The following MAD1L1 variants were observed in gnomAD, a reference collection of about 807,000 sequenced individuals.
The protein encoded by MAD1L1 is mitotic arrest deficient 1 like 1, also known as mitotic spindle assembly checkpoint protein MAD1.
Under a neutral mutation model 96.9 loss-of-function variants are expected in MAD1L1, and 95 were observed. That is an observed-to-expected ratio of 0.98 (90% CI 0.83 to 1.16). The LOEUF (loss-of-function observed/expected upper bound fraction) is 1.16. Ranked by LOEUF, MAD1L1 falls within the 50% of genes most tolerant of loss-of-function variation. The pLI, the probability that MAD1L1 is intolerant of heterozygous loss-of-function variation, is 0.00. For missense variants in MAD1L1, 1,007 were observed against 954.4 expected (o/e 1.06, Z -0.73); for synonymous variants, 473 against 396.6 (o/e 1.19, Z -2.29).
chr7:2,024,568 G>C (rs1782921192), intron 12 of MAD1L1, among the ~76,000 whole-genome samples: 1 of 152,180 alleles, frequency 6.6e-6, no homozygotes, highest in African/African-American at 2.4e-5. Flanking sequence ...ACATACTCAG[G>C]TCTTGCTGTG....
chr7:1,815,797 T>G lies in MAD1L1; in HGVS notation c.*273A>C. 2.2e-6 allele frequency: 1 copy of G among 459,184 alleles called. No homozygotes were observed. Among genetic ancestry groups the G allele is most frequent in the Non-Finnish European group, 4.0e-6 (1 of 252,468 alleles). The allele number at this position is 459,184 out of a possible 1,614,324, so 28.4% of individuals were successfully genotyped here. A position where few individuals can be genotyped will look rare whatever the true frequency, so the allele number is the denominator to read the frequency against. ...GATACACAGGGCGAGTGGGAGTGTC[T>G]AGGGGAGAAGATTTTATTTCACAAG... is the stretch of plus-strand genomic sequence containing the variant. On this transcript the variant is annotated 3_prime_UTR_variant, in exon 19 of 19. Transcript: ENST00000265854.
At chr7:1,867,178 A>C (rs895998138) in intron 18 of MAD1L1, among the ~76,000 whole-genome samples, 2 of 152,176 alleles carry the variant, frequency 1.3e-5, no homozygotes, top group Non-Finnish European at 2.9e-5. Context: ...AGTGCCACAG[A>C]CATGGGCACC....
At position 2,107,055 on chromosome 7, in the gene MAD1L1, A is replaced by T. The variant is rs556517260; in HGVS notation, c.1074-37717T>A. 2.0e-5 allele frequency among the ~76,000 whole-genome samples: 3 copies of T among 152,326 alleles called. 1 individual carries two copies. The highest frequency in any genetic ancestry group is 7.2e-5 in the African/African-American group (3 of 41,580). ...GCTCCCAAGGACAGGAAGGGCACCC[A>T]CATACAGCATCACTCAGCACCTGGC... is the stretch of plus-strand genomic sequence containing the variant. On this transcript the variant is annotated intron_variant, in intron 11 of 18. Coordinates refer to ENST00000265854, the MANE Select transcript of MAD1L1 (RefSeq NM_001013836.2).
At chr7:2,045,257 CCGTATCCCTGTGAGAGTCCT>C (rs1325004790) in intron 12 of MAD1L1, among the ~76,000 whole-genome samples, 1 of 152,158 alleles carries the variant, frequency 6.6e-6, no homozygotes, top group African/African-American at 2.4e-5. Flanking sequence ...GTGAGAGCCC[CCGTATCCCTGTGAGAGTCCT>C]CGTATCCCTG....
intron 12 of MAD1L1, among the ~76,000 whole-genome samples, chr7:2,050,026 C>A (rs190295354): frequency 1.2e-4 from 18 of 148,716 alleles, no homozygotes; most frequent in Non-Finnish European, 2.4e-4. Context: ...CCAGACCACA[C>A]GTTCACGGGG....
intron 18 of MAD1L1, among the ~76,000 whole-genome samples, chr7:1,862,332 C>G (rs935615139): frequency 1.3e-5 from 2 of 152,248 alleles, no homozygotes; most frequent in Non-Finnish European, 2.9e-5. Context: ...GAGGCAGAAG[C>G]AGCCACAGTT....
intron 15 of MAD1L1, among the ~76,000 whole-genome samples, chr7:1,973,132 G>C (rs1252761922): frequency 6.6e-6 from 1 of 152,186 alleles, no homozygotes; most frequent in Non-Finnish European, 1.5e-5. Context: ...TCTCGGACAG[G>C]GTGTTCCACA....
At chr7:1,881,676 T>G (rs1785688793) in intron 18 of MAD1L1, among the ~76,000 whole-genome samples, 1 of 152,140 alleles carries the variant, frequency 6.6e-6, no homozygotes, top group Non-Finnish European at 1.5e-5. Flanking sequence ...GCTCACGATA[T>G]AGTGTCGAAG....
chr7:1,902,555 TACCG>T (rs1343597550), intron 17 of MAD1L1, among the ~76,000 whole-genome samples: 1 of 152,202 alleles, frequency 6.6e-6, no homozygotes, highest in Non-Finnish European at 1.5e-5. Context: ...CTTTTAAAGG[TACCG>T]ACGGATCTTA....
At chr7:1,817,957 T>C (rs1309194519) in intron 18 of MAD1L1, among the ~76,000 whole-genome samples, 1 of 152,012 alleles carries the variant, frequency 6.6e-6, no homozygotes, top group East Asian at 1.9e-4. Context: ...GCACCTCCTG[T>C]TTCTCAGGAG....
intron 11 of MAD1L1, among the ~76,000 whole-genome samples, chr7:2,106,195 T>C (rs1787089795): frequency 6.6e-6 from 1 of 151,766 alleles, no homozygotes; most frequent in African/African-American, 2.4e-5. Context: ...ATTGGGCCCT[T>C]AGTGCTGGCA....
intron 17 of MAD1L1, among the ~76,000 whole-genome samples, chr7:1,903,948 C>G (rs1296359297): frequency 2.5e-5 from 1 of 40,128 alleles, no homozygotes. Flanking sequence ...CAGTGGCCTA[C>G]GGAAGACACT....
intron 10 of MAD1L1, chr7:2,209,845 G>A (rs370119440): frequency 2.6e-5 from 4 of 152,396 alleles, no homozygotes; most frequent in East Asian, 3.9e-4. Flanking sequence ...GCTGAGAGGA[G>A]GGGATCCCCA....
chr7:1,880,021 C>T (rs529761031), intron 18 of MAD1L1, among the ~76,000 whole-genome samples: 5 of 152,282 alleles, frequency 3.3e-5, no homozygotes, highest in South Asian at 2.1e-4. Context: ...TGAGCCACTT[C>T]GCCTGGCCGG....
intron 11 of MAD1L1, among the ~76,000 whole-genome samples, chr7:2,113,333 G>A (rs1192877693): frequency 5.9e-5 from 9 of 152,168 alleles, no homozygotes; most frequent in African/African-American, 1.2e-4. Context: ...TAATCCCAGC[G>A]CTTTGGGAGG....
At chr7:1,860,979 C>T (rs1349581209) in intron 18 of MAD1L1, among the ~76,000 whole-genome samples, 3 of 152,194 alleles carry the variant, frequency 2.0e-5, no homozygotes, top group African/African-American at 2.4e-5. Flanking sequence ...GGTGGTTGTA[C>T]CAGCAGCTGC....
intron 10 of MAD1L1, among the ~76,000 whole-genome samples, chr7:2,161,966 G>A (rs577722810): frequency 1.1e-4 from 16 of 148,160 alleles, no homozygotes; most frequent in Non-Finnish European, 2.3e-4. Flanking sequence ...CACCCCGTCC[G>A]GGAGGTGGGG....
chr7:2,230,974 G>A (rs1794163055), intron 1 of MAD1L1, among the ~76,000 whole-genome samples: 1 of 152,174 alleles, frequency 6.6e-6, no homozygotes. Flanking sequence ...CCTGAATCCA[G>A]TCAGTTGATG....
At chr7:2,122,580 C>T (rs1322439053) in intron 11 of MAD1L1, among the ~76,000 whole-genome samples, 4 of 151,846 alleles carry the variant, frequency 2.6e-5, no homozygotes, top group East Asian at 1.9e-4. Context: ...CCAGCCTGGG[C>T]GACAGAGCGA....
Sources: allele counts gnomAD v4.1 joint callset (sites outside exome capture counted in the v4.1 genomes callset), GRCh38; gene constraint gnomAD v4.1.1; transcripts MANE v1.5; gene names NCBI Gene and HGNC (gene_info 2026-07-23, HGNC 2026-07-21).